PPA1: variants seen among roughly 807,000 people sequenced by gnomAD.
PPA1 encodes inorganic pyrophosphatase.
Under a neutral mutation model 41.8 loss-of-function variants are expected in PPA1, and 23 were observed. That is an observed-to-expected ratio of 0.55 (90% CI 0.40 to 0.78). The LOEUF is 0.78. Among genes scored for constraint, PPA1 ranks in the 30% least tolerant of loss-of-function variants. PPA1 has a pLI of 0.00. For synonymous variants in PPA1, 101 were observed against 116.8 expected (o/e 0.86, Z 0.87); for missense variants, 320 against 361.6 (o/e 0.89, Z 0.93).
intron 2 of PPA1, among the ~76,000 whole-genome samples, chr10:70,221,044 TATATATATATAA>T (rs2136764670): frequency 1.6e-5 from 1 of 62,874 alleles, no homozygotes; most frequent in South Asian, 4.3e-4. Context: ...ATATAAATTA[TATATATATATAA>T]TTTATATATA....
intron 3 of PPA1, chr10:70,218,461 G>A: frequency 3.6e-6 from 1 of 277,044 alleles, no homozygotes; most frequent in Non-Finnish European, 6.8e-6. Flanking sequence ...TGTGGCTGGG[G>A]TGACTAAGGA....
chr10:70,213,797 CT>C (rs144081626), intron 5 of PPA1, among the ~76,000 whole-genome samples: 8,669 of 152,164 alleles, frequency 0.057, 511 homozygotes, highest in African/African-American at 0.15. Context: ...GTCCTATTTT[CT>C]TCTAGGTCAT....
In PPA1 at chr10:70,203,197, A is replaced by G. The variant is rs764975095; in HGVS notation, c.839-11T>C. Reference sequence around the variant, plus strand: ...GGAACCACTTATCCACTGTATTCAGAGAAAAGAAAAACAAATTAGAATTCC... The same window carrying G: ...GGAACCACTTATCCACTGTATTCAGGGAAAAGAAAAACAAATTAGAATTCC... On this transcript the variant is annotated splice_polypyrimidine_tract_variant and intron_variant, in intron 10 of 10. Coordinates refer to ENST00000373232, the MANE Select transcript of PPA1 (RefSeq NM_021129.4). 3 of 1,603,000 alleles carry G rather than the reference A, an allele frequency of 1.9e-6. No homozygotes were observed. The East Asian group carries it at 6.7e-5, about 36-fold the overall frequency.
chr10:70,206,374 A>T, intron 8 of PPA1, 41 bp from the exon 9 acceptor site: 2 of 1,436,968 alleles, frequency 1.4e-6, no homozygotes, highest in Non-Finnish European at 2.0e-6. Context: ...CAAAATAACA[A>T]AAATTATCTC....
chr10:70,204,854 A>T lies in PPA1; in HGVS notation c.838+19T>A. ...ACTGTGTAATGTTTAATGAAATTTT[A>T]CTGGAATAGAAATCTTACCGTCTGT... is the stretch of plus-strand genomic sequence containing the variant. On this transcript the variant is annotated intron_variant, in intron 10 of 10. Coordinates refer to ENST00000373232, the MANE Select transcript of PPA1 (RefSeq NM_021129.4). 1 of 1,564,416 alleles carries T rather than the reference A, an allele frequency of 6.4e-7. No homozygotes were observed. The highest frequency in any genetic ancestry group is 1.9e-4 in the Middle Eastern group (1 of 5,234).
intron 2 of PPA1, among the ~76,000 whole-genome samples, chr10:70,221,123 C>T (rs1840164326): frequency 9.6e-6 from 1 of 104,474 alleles, no homozygotes; most frequent in Non-Finnish European, 1.7e-5. Context: ...CCATGTTACC[C>T]CAGACTGGTA....
intron 3 of PPA1, 53 bp downstream of exon 3, chr10:70,218,711 C>T: frequency 7.2e-7 from 1 of 1,379,976 alleles, no homozygotes. Context: ...GTCAGTGTGA[C>T]TAGATCAAAA....
intron 2 of PPA1, among the ~76,000 whole-genome samples, chr10:70,223,492 C>T (rs1840197974): frequency 6.6e-6 from 1 of 152,110 alleles, no homozygotes; most frequent in Non-Finnish European, 1.5e-5. Context: ...GTAGCTGGGA[C>T]TACAGGTGCA....
At chr10:70,221,028 A>T (rs1194254767) in intron 2 of PPA1, among the ~76,000 whole-genome samples, 1 of 68,634 alleles carries the variant, frequency 1.5e-5, no homozygotes, top group Non-Finnish European at 2.5e-5. Flanking sequence ...TATATATATA[A>T]TATATATATA....
chr10:70,221,652 T>C (rs899166188), intron 2 of PPA1, among the ~76,000 whole-genome samples: 13 of 152,158 alleles, frequency 8.5e-5, no homozygotes, highest in Admixed American at 3.3e-4. Flanking sequence ...TGTAGGTCTG[T>C]GAAAAGAACA....
At position 70,206,303 on chromosome 10, in the gene PPA1, G is replaced by C; in HGVS notation, c.756C>G (p.Phe252Leu). ...CTCTGGCAGCATCAGGATCACACTT[G>C]AAGGGGCTCTCAGACAAAGTTGTAT... Reference protein sequence around the residue: ...CMNTTLSESPFKCDPDAARAI... With the variant: ...CMNTTLSESPLKCDPDAARAI... The change falls in exon 9 of 11, where the codon TTC (phenylalanine) becomes TTG (leucine). Residue 252 changes from phenylalanine (F) to leucine (L), a missense_variant. Transcript: ENST00000373232. 1 of 1,613,162 alleles carries C rather than the reference G, an allele frequency of 6.2e-7. No homozygotes were observed. The highest frequency in any genetic ancestry group is 2.2e-5 in the East Asian group (1 of 44,854).
chr10:70,209,623 T>C lies in PPA1; in HGVS notation c.574A>G (p.Arg192Gly), dbSNP rs1238871359. The change falls in exon 7 of 11, where the codon AGG becomes GGG. Residue 192 changes from arginine (R) to glycine (G), a missense_variant. Arg to Gly is a moderately radical substitution (Grantham distance 125). Coordinates refer to ENST00000373232, the MANE Select transcript of PPA1 (RefSeq NM_021129.4). The stretch of plus-strand genomic sequence containing the variant: ...GGTTTTCCATCAGGAACCTTATACC[T>C]TCTAAACCAGTCCACAGTAGCTTCT... ...YLEATVDWFR[R>G]YKVPDGKPEN... The C allele has an allele frequency of 2.5e-6, 4 of 1,608,344 alleles. No homozygotes were observed. The highest frequency in any genetic ancestry group is 3.4e-6 in the Non-Finnish European group (4 of 1,177,270).
chr10:70,227,257 G>A (rs969678160), intron 2 of PPA1, among the ~76,000 whole-genome samples: 2 of 152,150 alleles, frequency 1.3e-5, no homozygotes, highest in Non-Finnish European at 2.9e-5. Flanking sequence ...CACTGGATTC[G>A]GAAATAATCA....
rs1181395789 is a variant in PPA1 at position 70,226,271 on chromosome 10, T to A, written c.123+4070A>T. 2.6e-5 allele frequency among the ~76,000 whole-genome samples: 4 copies of A among 152,268 alleles called. No individual in the cohort carries two copies. In the East Asian group the frequency reaches 7.7e-4, roughly 29 times the overall value. ...TAGAGCAATAACTTAATTTGTCATGTCATAATTAAGAATAAGCTGCTGGCT... is the reference window on the plus strand; with the variant it reads ...TAGAGCAATAACTTAATTTGTCATGACATAATTAAGAATAAGCTGCTGGCT... On this transcript the variant is annotated intron_variant, in intron 2 of 10. Coordinates refer to ENST00000373232, the MANE Select transcript of PPA1 (RefSeq NM_021129.4).
rs561968708 is a variant in PPA1, at chr10:70,229,671, G to A, written c.123+670C>T. On this transcript the variant is annotated intron_variant, in intron 2 of 10. Transcript: ENST00000373232. The stretch of plus-strand genomic sequence containing the variant: ...TTGAATAATCTAGTTTACTTTTACT[G>A]TTTCATAAAGATCCCACAGCCAAAA... Among the ~76,000 whole-genome samples the A allele has an allele frequency of 1.7e-3, 255 of 152,176 alleles. 1 individual carries two copies. Among genetic ancestry groups the A allele is most frequent in the Non-Finnish European group, 3.0e-3 (204 of 68,014 alleles).
Position 70,203,005 on chromosome 10 carries a change from T to C in PPA1, c.*150A>G, listed in dbSNP as rs1839899648. 1.3e-6 allele frequency: 1 copy of C among 760,052 alleles called. No homozygotes were observed. Among genetic ancestry groups the C allele is most frequent in the Non-Finnish European group, 2.2e-6 (1 of 451,310 alleles). 47.1% of individuals were successfully genotyped at this position (760,052 alleles called of 1,614,324 possible). ...TGAAAAATGCTTTAGATGGATAACA[T>C]TCTGAGTATATTGGATTAGTCACAG... On this transcript the variant is annotated 3_prime_UTR_variant, in exon 11 of 11. Transcript: ENST00000373232.
chr10:70,221,053 A>AATT (rs1564584580), intron 2 of PPA1, among the ~76,000 whole-genome samples: 2 of 51,522 alleles, frequency 3.9e-5, no homozygotes, highest in African/African-American at 2.9e-4. Flanking sequence ...ATATATATAT[A>AATT]TAATTTATAT....
chr10:70,204,070 G>A (rs1348115294), intron 10 of PPA1: 3 of 152,442 alleles, frequency 2.0e-5, no homozygotes, highest in Non-Finnish European at 2.9e-5. Flanking sequence ...TGCGTGCAGT[G>A]GCTCACGCCT....
intron 8 of PPA1, 68 bp from the exon 9 acceptor site, chr10:70,206,401 G>A (rs907009393): frequency 8.3e-7 from 1 of 1,203,444 alleles, no homozygotes; most frequent in Non-Finnish European, 1.2e-6. Context: ...GTTAAAAAAT[G>A]AGTTGAAAGT....
Sources: gnomAD v4.1 joint callset for allele counts (sites outside exome capture counted in the v4.1 genomes callset) on GRCh38, gnomAD v4.1.1 for gene constraint, MANE v1.5 for transcripts, NCBI Gene and HGNC (gene_info 2026-07-23, HGNC 2026-07-21) for gene names.